The following PGAP4 variants were observed in gnomAD, a reference collection of about 807,000 sequenced individuals.
The protein encoded by PGAP4 is GPI-N-acetylgalactosamine transferase PGAP4.
Under a neutral mutation model 28.2 loss-of-function variants are expected in PGAP4, and 12 were observed. That is an observed-to-expected ratio of 0.42 (90% CI 0.27 to 0.69). The LOEUF is 0.69. Among genes scored for constraint, PGAP4 ranks in the 30% least tolerant of loss-of-function variants. The probability of loss-of-function intolerance (pLI) is 0.22; values close to 1 mark genes in which losing one functional copy is unlikely to be tolerated. For synonymous variants in PGAP4, 205 were observed against 211.8 expected (o/e 0.97, Z 0.28); for missense variants, 425 against 513.5 (o/e 0.83, Z 1.67).
intron 2 of PGAP4, among the ~76,000 whole-genome samples, chr9:101,515,771 GA>G (rs1243240999): frequency 6.6e-6 from 1 of 152,002 alleles, no homozygotes; most frequent in African/African-American, 2.4e-5. Context: ...ATTTCTTTGT[GA>G]AAAATATCAA....
intron 2 of PGAP4, among the ~76,000 whole-genome samples, chr9:101,515,652 A>G (rs1826937972): frequency 6.6e-6 from 1 of 152,166 alleles, no homozygotes; most frequent in Non-Finnish European, 1.5e-5. Context: ...TTTTGTCAAA[A>G]TATTAAAAAC....
chr9:101,499,744 C>G (rs201391182), intron 2 of PGAP4, among the ~76,000 whole-genome samples: 3 of 152,076 alleles, frequency 2.0e-5, no homozygotes, highest in Non-Finnish European at 1.5e-5. Context: ...CATGGCCTTC[C>G]GTGGCTTTAT....
At chr9:101,509,710 G>A (rs191882798) in intron 2 of PGAP4, among the ~76,000 whole-genome samples, 21 of 152,222 alleles carry the variant, frequency 1.4e-4, no homozygotes, top group Admixed American at 5.2e-4. Context: ...TTCTCAGCTT[G>A]CAAGCATTTC....
intron 2 of PGAP4, among the ~76,000 whole-genome samples, chr9:101,495,093 T>G (rs865943271): frequency 7.3e-6 from 1 of 136,302 alleles, no homozygotes; most frequent in Non-Finnish European, 1.5e-5. Flanking sequence ...TTTGACAATG[T>G]CTTTTCTGCA....
At chr9:101,491,380 T>A (rs149345483), upstream of PGAP4, among the ~76,000 whole-genome samples, 289 of 152,274 alleles carry the variant, frequency 1.9e-3, 2 homozygotes, top group Middle Eastern at 3.4e-3. Context: ...CAGCATTTGA[T>A]CATTGCTGTT....
At chr9:101,512,434 C>A (rs1447910473) in intron 2 of PGAP4, among the ~76,000 whole-genome samples, 1 of 152,154 alleles carries the variant, frequency 6.6e-6, no homozygotes, top group East Asian at 1.9e-4. Flanking sequence ...TTGTGTTTTT[C>A]TGTTTCCTTG....
chr9:101,501,661 T>C, intron 2 of PGAP4: 1 of 512,258 alleles, frequency 2.0e-6, no homozygotes, highest in Non-Finnish European at 3.9e-6. Context: ...CTGGACCTTC[T>C]TTCTTCAGTT....
At chr9:101,489,835 A>G (rs771916321), upstream of PGAP4, among the ~76,000 whole-genome samples, 5 of 152,228 alleles carry the variant, frequency 3.3e-5, no homozygotes, top group African/African-American at 7.2e-5. Flanking sequence ...TACTTTGTTC[A>G]TATAAAAATT....
At chr9:101,497,472 A>T (rs1826761588) in intron 2 of PGAP4, among the ~76,000 whole-genome samples, 1 of 151,584 alleles carries the variant, frequency 6.6e-6, no homozygotes, top group Admixed American at 6.6e-5. Context: ...TTATTTATCA[A>T]AATATTACAC....
At chr9:101,490,221 A>T (rs996049141), upstream of PGAP4, among the ~76,000 whole-genome samples, 7 of 152,088 alleles carry the variant, frequency 4.6e-5, no homozygotes, top group African/African-American at 1.7e-4. Flanking sequence ...ACACAGTCTC[A>T]GTCTGTCGCC....
intron 2 of PGAP4, among the ~76,000 whole-genome samples, chr9:101,508,281 C>T (rs1252783437): frequency 6.6e-6 from 1 of 152,022 alleles, no homozygotes; most frequent in Non-Finnish European, 1.5e-5. Flanking sequence ...GTGCACTTGC[C>T]CGTGCCTGTA....
intron 2 of PGAP4, among the ~76,000 whole-genome samples, chr9:101,499,263 G>A (rs35072386): frequency 0.061 from 9,239 of 152,044 alleles, 299 homozygotes; most frequent in East Asian, 0.14. Flanking sequence ...CCAAAAAGGT[G>A]AGCTGTGGAA....
intron 2 of PGAP4, among the ~76,000 whole-genome samples, chr9:101,497,140 A>G (rs1222011874): frequency 6.6e-6 from 1 of 151,100 alleles, no homozygotes; most frequent in Non-Finnish European, 1.5e-5. Context: ...TTTGGAAATA[A>G]CTCAGACATT....
chr9:101,521,669 T>C (rs1826989130), intron 2 of PGAP4, among the ~76,000 whole-genome samples: 2 of 147,638 alleles, frequency 1.4e-5, no homozygotes. Flanking sequence ...GCTTTTTGTT[T>C]CATTTATCTT....
At chr9:101,503,524 T>A (rs77179067) in intron 2 of PGAP4, among the ~76,000 whole-genome samples, 5,958 of 152,158 alleles carry the variant, frequency 0.039, 165 homozygotes, top group Admixed American at 0.077. Flanking sequence ...TTATTATAAT[T>A]TTATATGATT....
At chr9:101,495,538 T>C (rs1217163014) in intron 2 of PGAP4, among the ~76,000 whole-genome samples, 3 of 145,090 alleles carry the variant, frequency 2.1e-5, no homozygotes, top group African/African-American at 5.0e-5. Flanking sequence ...CAGAAAGACC[T>C]AATTTAGGAT....
chr9:101,476,969 C>A lies in PGAP4; in HGVS notation c.124G>T (p.Ala42Ser). 1.2e-6 allele frequency: 2 copies of A among 1,612,350 alleles called. No individual in the cohort carries two copies. Among genetic ancestry groups the A allele is most frequent in the Non-Finnish European group, 1.7e-6 (2 of 1,179,418 alleles). ...TAAGAGTGTAGAAGTCGGTGACAGG[C>A]CAGGGGGGCCAGCAGGCCAAACGTC... ...VVTFGLLAPL[A>S]CHRLLHSYFY... The change falls in exon 2 of 2, where the codon GCC becomes TCC. Residue 42 changes from alanine (A) to serine (S), a missense_variant. Transcript: ENST00000374848. The surrounding 1 kb of genome is among the most constrained non-coding windows in gnomAD (Gnocchi z 7.0).
intron 2 of PGAP4, among the ~76,000 whole-genome samples, chr9:101,499,995 C>A (rs1026172003): frequency 1.3e-5 from 2 of 151,524 alleles, no homozygotes; most frequent in African/African-American, 4.8e-5. Flanking sequence ...TAATATACAG[C>A]CCTTGTTTAA....
Position 101,474,929 on chromosome 9 carries a change from C to T in PGAP4, c.*952G>A, listed in dbSNP as rs867062043. ...TATGACCTGCCCAAGGTGGTCACGT[C>T]GTTAGGCCATGGCAGAGATCTGAAA... On this transcript the variant is annotated 3_prime_UTR_variant, in exon 2 of 2. Transcript: ENST00000374848. 5.3e-5 allele frequency: 8 copies of T among 150,844 alleles called. 1 individual carries two copies. In the South Asian group the frequency reaches 6.3e-4, roughly 12 times the overall value. The allele number at this position is 150,844 out of a possible 1,614,324, so 9.3% of individuals were successfully genotyped here. A position where few individuals can be genotyped will look rare whatever the true frequency, so the allele number is the denominator to read the frequency against.
Sources: gnomAD v4.1 joint callset for allele counts (sites outside exome capture counted in the v4.1 genomes callset) on GRCh38, gnomAD v4.1.1 for gene constraint, Gnocchi (gnomAD v3.1) non-coding constraint, MANE v1.5 for transcripts, NCBI Gene and HGNC (gene_info 2026-07-23, HGNC 2026-07-21) for gene names.